Variants in PPP2R2B observed in about 807,000 individuals in gnomAD.
PPP2R2B encodes the protein serine/threonine-protein phosphatase 2A 55 kDa regulatory subunit B beta isoform.
PPP2R2B carries 5 observed loss-of-function variants against 46.0 expected under a neutral mutation model. The observed-to-expected ratio is 0.11, with a 90% CI of 0.06 to 0.23. PPP2R2B has a LOEUF of 0.23. PPP2R2B is among the 10% of genes least tolerant of loss of function. The pLI, the probability that PPP2R2B is intolerant of heterozygous loss-of-function variation, is 1.00. For missense variants in PPP2R2B, 367 were observed against 575.0 expected (o/e 0.64, Z 3.70); for synonymous variants, 215 against 206.7 (o/e 1.04, Z -0.34).
At chr5:146,977,335 C>T (rs1752957236) in intron 1 of PPP2R2B, among the ~76,000 whole-genome samples, 2 of 152,074 alleles carry the variant, frequency 1.3e-5, no homozygotes, top group South Asian at 4.2e-4. Context: ...CTTAAACAAT[C>T]CTCCTACCTC....
At chr5:146,792,247 A>G (rs1178425364) in intron 2 of PPP2R2B, among the ~76,000 whole-genome samples, 1 of 152,130 alleles carries the variant, frequency 6.6e-6, no homozygotes, top group African/African-American at 2.4e-5. Context: ...TTTTAGTAGG[A>G]TTTTTTAGCC....
chr5:146,939,958 G>A (rs1235662683), intron 1 of PPP2R2B, among the ~76,000 whole-genome samples: 2 of 152,034 alleles, frequency 1.3e-5, no homozygotes, highest in African/African-American at 4.8e-5. Flanking sequence ...AGCTCTGCAA[G>A]GTTTGAGCCA....
chr5:146,707,449 C>T (rs188456302), intron 2 of PPP2R2B: 3 of 764,434 alleles, frequency 3.9e-6, no homozygotes, highest in African/African-American at 3.4e-5. Flanking sequence ...ACTGGCCCCA[C>T]CATAGGCCAC....
At chr5:146,712,649 C>A (rs1476509556) in intron 2 of PPP2R2B, among the ~76,000 whole-genome samples, 1 of 152,122 alleles carries the variant, frequency 6.6e-6, no homozygotes, top group Non-Finnish European at 1.5e-5. Context: ...TCTGTCACCC[C>A]ACTGATCACC....
intron 2 of PPP2R2B, among the ~76,000 whole-genome samples, chr5:146,867,592 C>T (rs2151404048): frequency 6.6e-6 from 1 of 152,254 alleles, no homozygotes. Context: ...GATGAAGTGA[C>T]CTGCCCAAGG....
chr5:146,762,827 C>T (rs1341787180), intron 2 of PPP2R2B, among the ~76,000 whole-genome samples: 4 of 152,158 alleles, frequency 2.6e-5, no homozygotes, highest in East Asian at 1.9e-4. Context: ...AAGGCCTGGG[C>T]GACTAGCATC....
At chr5:146,892,776 T>C (rs770351502) in intron 1 of PPP2R2B, among the ~76,000 whole-genome samples, 8 of 152,352 alleles carry the variant, frequency 5.3e-5, no homozygotes, top group East Asian at 3.9e-4. Flanking sequence ...CCAATGCACA[T>C]GTAAAACTTC....
chr5:147,031,681 T>C (rs1755792493), intron 1 of PPP2R2B, among the ~76,000 whole-genome samples: 1 of 152,164 alleles, frequency 6.6e-6, no homozygotes, highest in African/African-American at 2.4e-5. Context: ...TCTTATTTTC[T>C]ATCCTTTATA....
At chr5:146,838,254 T>C (rs1279881069) in intron 2 of PPP2R2B, among the ~76,000 whole-genome samples, 1 of 151,760 alleles carries the variant, frequency 6.6e-6, no homozygotes, top group Non-Finnish European at 1.5e-5. Flanking sequence ...TACAGGGTGG[T>C]TAGGGGATTT....
At chr5:147,002,376 C>A (rs1032457258) in intron 1 of PPP2R2B, among the ~76,000 whole-genome samples, 1 of 152,080 alleles carries the variant, frequency 6.6e-6, no homozygotes, top group African/African-American at 2.4e-5. Context: ...TAAGTGAGGA[C>A]AAAAGGCATC....
At chr5:146,881,063 G>A (rs1171731479), upstream of PPP2R2B, among the ~76,000 whole-genome samples, 2 of 152,062 alleles carry the variant, frequency 1.3e-5, no homozygotes, top group South Asian at 2.1e-4. Context: ...GCTGGGGGGC[G>A]GGGTGGGGGA....
chr5:147,015,087 G>A (rs1018626984), intron 1 of PPP2R2B, among the ~76,000 whole-genome samples: 1 of 151,954 alleles, frequency 6.6e-6, no homozygotes, highest in Non-Finnish European at 1.5e-5. Context: ...CCAACTAGAA[G>A]AACTCCAAGA....
chr5:146,916,254 G>A (rs1051083958), intron 1 of PPP2R2B, among the ~76,000 whole-genome samples: 1 of 148,806 alleles, frequency 6.7e-6, no homozygotes. Flanking sequence ...CATCCCAGAA[G>A]AGTGAAAAAA....
At chr5:146,590,500 A>G (rs1770526118) in intron 9 of PPP2R2B, among the ~76,000 whole-genome samples, 2 of 151,072 alleles carry the variant, frequency 1.3e-5, no homozygotes, top group South Asian at 2.1e-4. Flanking sequence ...CTTTTGCTCA[A>G]TAGATTCTTT....
chr5:146,945,747 A>G (rs1764459828), intron 1 of PPP2R2B, among the ~76,000 whole-genome samples: 2 of 152,352 alleles, frequency 1.3e-5, no homozygotes, highest in Non-Finnish European at 2.9e-5. Flanking sequence ...TTGTGTGCAC[A>G]TAAGTCTAAT....
chr5:146,912,104 C>T (rs545789011), intron 1 of PPP2R2B, among the ~76,000 whole-genome samples: 12 of 151,882 alleles, frequency 7.9e-5, no homozygotes, highest in South Asian at 4.2e-4. Flanking sequence ...CCGGGCATGG[C>T]GGCATGTGCC....
intron 1 of PPP2R2B, among the ~76,000 whole-genome samples, chr5:146,899,322 T>C (rs1472899645): frequency 6.8e-6 from 1 of 148,084 alleles, no homozygotes; most frequent in African/African-American, 2.5e-5. Context: ...ATGTCCTTTG[T>C]AGGGATGTGG....
In PPP2R2B at chr5:147,014,357, A is replaced by C. The variant is rs1007073138; in HGVS notation, c.79+41308T>G. On this transcript the variant is annotated intron_variant, in intron 1 of 8. Coordinates refer to the PPP2R2B transcript ENST00000336640. ...TCCTCAGGGATCTAGAACTGGAAATACCATTTGACCCAGCCATCCCATTAC... is the reference window on the plus strand; with the variant it reads ...TCCTCAGGGATCTAGAACTGGAAATCCCATTTGACCCAGCCATCCCATTAC... Among the ~76,000 whole-genome samples, 1,396 of 149,758 alleles carry C rather than the reference A, an allele frequency of 9.3e-3. 14 individuals are homozygous for C. Among genetic ancestry groups the C allele is most frequent in the Non-Finnish European group, 0.017 (1,108 of 67,130 alleles).
At chr5:146,954,473 G>T (rs1424794359) in intron 1 of PPP2R2B, among the ~76,000 whole-genome samples, 2 of 152,086 alleles carry the variant, frequency 1.3e-5, no homozygotes, top group Non-Finnish European at 2.9e-5. Context: ...GGATGCAAAG[G>T]CATAAGAATG....
Sources: allele counts gnomAD v4.1 joint callset (sites outside exome capture counted in the v4.1 genomes callset), GRCh38; gene constraint gnomAD v4.1.1; transcripts MANE v1.5; gene names NCBI Gene and HGNC (gene_info 2026-07-23, HGNC 2026-07-21).